BICD1: variants seen among roughly 807,000 people sequenced by gnomAD.
BICD1 encodes the protein protein bicaudal D homolog 1.
BICD1 carries 35 observed loss-of-function variants against 92.5 expected under a neutral mutation model. That is an observed-to-expected ratio of 0.38 (90% CI 0.29 to 0.50). BICD1 has a LOEUF of 0.50. Among genes scored for constraint, BICD1 ranks in the 20% least tolerant of loss-of-function variants. The pLI, the probability that BICD1 is intolerant of heterozygous loss-of-function variation, is 0.93. For missense variants in BICD1, 950 were observed against 1,189.8 expected, an observed-to-expected ratio of 0.80 and a Z score of 2.97; for synonymous variants, 429 against 465.1, an observed-to-expected ratio of 0.92 and a Z score of 1.00.
At chr12:32,109,721 G>A (rs1299625814) in intron 1 of BICD1, 1 of 151,884 alleles carries the variant, frequency 6.6e-6, no homozygotes, top group African/African-American at 2.4e-5. Context: ...AATTATTATA[G>A]TTGATTATTT....
At chr12:32,243,787 C>T (rs1373287510) in intron 2 of BICD1, among the ~76,000 whole-genome samples, 2 of 152,132 alleles carry the variant, frequency 1.3e-5, no homozygotes, top group African/African-American at 4.8e-5. Context: ...CTTCACTCTT[C>T]TCAAAACTAT....
In BICD1 at chr12:32,246,897, A is replaced by C. The variant is rs377217593; in HGVS notation, c.426+30438A>C. Among the ~76,000 whole-genome samples, 132 of 152,124 alleles carry C rather than the reference A, an allele frequency of 8.7e-4. 2 individuals carry two copies. In the South Asian group the frequency reaches 0.027, roughly 31 times the overall value. ...TTGTAAAATGGGACCTCTCATTGAG[A>C]AGCTGGGTTGGTTTGGGGGTGGGGA... On this transcript the variant is annotated intron_variant, in intron 2 of 9. Transcript: ENST00000652176.
At chr12:32,122,556 C>T (rs527872314) in intron 1 of BICD1, among the ~76,000 whole-genome samples, 1 of 151,606 alleles carries the variant, frequency 6.6e-6, no homozygotes, top group South Asian at 2.1e-4. Flanking sequence ...CTCAGGTCTT[C>T]TATCTTAATT....
intron 4 of BICD1, among the ~76,000 whole-genome samples, chr12:32,310,954 C>A (rs77053794): frequency 6.6e-6 from 1 of 152,088 alleles, no homozygotes. Context: ...TCAATGTATG[C>A]CCATGATTTA....
At chr12:32,310,382 A>G (rs1310088099) in intron 4 of BICD1, among the ~76,000 whole-genome samples, 2 of 152,142 alleles carry the variant, frequency 1.3e-5, no homozygotes, top group Non-Finnish European at 2.9e-5. Flanking sequence ...GTCAAATCCT[A>G]CCTGCCTTTG....
chr12:32,152,584 C>T (rs1943321226), intron 1 of BICD1, among the ~76,000 whole-genome samples: 1 of 152,138 alleles, frequency 6.6e-6, no homozygotes, highest in Non-Finnish European at 1.5e-5. Flanking sequence ...TTGATTGGCC[C>T]ACCAGGGACC....
At chr12:32,335,681 A>T (rs1210818408) in intron 6 of BICD1, among the ~76,000 whole-genome samples, 1 of 151,040 alleles carries the variant, frequency 6.6e-6, no homozygotes, top group African/African-American at 2.4e-5. Flanking sequence ...CCTGGACTCA[A>T]GCAATCCTCC....
chr12:32,321,093 A>C (rs917200614), intron 4 of BICD1, among the ~76,000 whole-genome samples: 1 of 152,176 alleles, frequency 6.6e-6, no homozygotes, highest in Non-Finnish European at 1.5e-5. Flanking sequence ...TGGGAGGCCA[A>C]GGTGGGCAGA....
At chr12:32,321,883 C>T (rs1051579628) in intron 4 of BICD1, among the ~76,000 whole-genome samples, 3 of 152,182 alleles carry the variant, frequency 2.0e-5, no homozygotes, top group African/African-American at 7.2e-5. Context: ...CCTGTAATCC[C>T]AGCTACTTGG....
intron 2 of BICD1, among the ~76,000 whole-genome samples, chr12:32,270,336 A>T (rs1167042434): frequency 2.0e-5 from 3 of 152,118 alleles, no homozygotes; most frequent in Admixed American, 1.3e-4. Context: ...TGGAAAATTC[A>T]CATTTTAAAA....
chr12:32,276,265 A>C (rs940125370), intron 2 of BICD1, among the ~76,000 whole-genome samples: 7 of 152,040 alleles, frequency 4.6e-5, no homozygotes, highest in African/African-American at 1.7e-4. Context: ...AACACCTACT[A>C]TGCCCCAATT....
chr12:32,157,822 G>A (rs1237665207), intron 1 of BICD1, among the ~76,000 whole-genome samples: 1 of 152,140 alleles, frequency 6.6e-6, no homozygotes, highest in African/African-American at 2.4e-5. Flanking sequence ...GCAGTGTGCT[G>A]ATGGTTGGAG....
intron 1 of BICD1, among the ~76,000 whole-genome samples, chr12:32,194,619 T>C (rs1944672892): frequency 6.6e-6 from 1 of 152,164 alleles, no homozygotes; most frequent in African/African-American, 2.4e-5. Context: ...TGGTGGCTCA[T>C]GCCTGTAATC....
chr12:32,273,751 C>T (rs146441177), intron 2 of BICD1, among the ~76,000 whole-genome samples: 114 of 152,274 alleles, frequency 7.5e-4, no homozygotes, highest in African/African-American at 2.5e-3. Context: ...GGGTTCTTGT[C>T]ACACAACCGG....
Position 32,305,656 on chromosome 12 carries a change from C to A in BICD1, c.580-41C>A, listed in dbSNP as rs766485925. On this transcript the variant is annotated intron_variant, in intron 3 of 9. Coordinates refer to ENST00000652176, the MANE Select transcript of BICD1 (RefSeq NM_001714.4). ...TTTAATGGCAGTTTTGTAAGATCCA[C>A]ATTTTAGTTTTATGAATCTTCTTTA... The A allele has an allele frequency of 2.6e-6, 4 of 1,533,568 alleles. No homozygotes were observed. In the African/African-American group the frequency reaches 4.2e-5, roughly 16 times the overall value. 95.0% of individuals were successfully genotyped at this position (1,533,568 alleles called of 1,614,324 possible).
At chr12:32,173,410 TCCTTAAAGTGATG>T (rs1944007069) in intron 1 of BICD1, among the ~76,000 whole-genome samples, 1 of 152,178 alleles carries the variant, frequency 6.6e-6, no homozygotes, top group African/African-American at 2.4e-5. Context: ...TCACCTGGAT[TCCTTAAAGTGATG>T]CCTTGCTGAC....
At chr12:32,219,636 A>G (rs2121560110) in intron 2 of BICD1, among the ~76,000 whole-genome samples, 1 of 152,264 alleles carries the variant, frequency 6.6e-6, no homozygotes, top group South Asian at 2.1e-4. Context: ...ATCACCTCAA[A>G]AATTCTTTCT....
In BICD1 at chr12:32,328,224, A is replaced by G. The variant is rs1243777008; in HGVS notation, c.1769A>G (p.Lys590Arg). The change falls in exon 5 of 10, where the codon AAA becomes AGA. Residue 590 changes from lysine (K) to arginine (R), a missense_variant. Transcript: ENST00000652176. This position sits in a 1 kb window ranked among gnomAD's most constrained non-coding sequence, Gnocchi z 4.4. ...GCAAAAGAAAGCACAGAGGCCAGCA[A>G]AGAACCAAGTCCAACTAAGACCCCC... is the stretch of plus-strand genomic sequence containing the variant. ...PVAKESTEAS[K>R]EPSPTKTPTI... The G allele has an allele frequency of 1.2e-6, 2 of 1,614,076 alleles. No individual in the cohort carries two copies. The highest frequency in any genetic ancestry group is 2.7e-5 in the African/African-American group (2 of 74,946).
rs1411722126 is a variant in BICD1, at chr12:32,225,621, G to GTTTTTGTTTTTTTTTTTTTT, written c.426+9167_426+9168insGTTTTTTTTTTTTTTTTTTT. Among the ~76,000 whole-genome samples the GTTTTTGTTTTTTTTTTTTTT allele has an allele frequency of 5.2e-4, 48 of 92,786 alleles. 4 individuals are homozygous for GTTTTTGTTTTTTTTTTTTTT. The highest frequency in any genetic ancestry group is 2.5e-3 in the South Asian group (5 of 2,016). 60.9% of individuals were successfully genotyped at this position (92,786 alleles called of 152,430 possible). A position where few individuals can be genotyped will look rare whatever the true frequency, so the allele number is the denominator to read the frequency against. ...TGGTATTTGACAGTTCTTTTTTTCT[G>GTTTTTGTTTTTTTTTTTTTT]TTTTTTTTTTTTTTTTTTTTAGACG... On this transcript the variant is annotated intron_variant, in intron 2 of 9. Transcript: ENST00000652176.
Sources: gnomAD v4.1 joint callset for allele counts (sites outside exome capture counted in the v4.1 genomes callset) on GRCh38, gnomAD v4.1.1 for gene constraint, Gnocchi (gnomAD v3.1) non-coding constraint, MANE v1.5 for transcripts, NCBI Gene and HGNC (gene_info 2026-07-23, HGNC 2026-07-21) for gene names.